Variants in ZNF555 observed in about 807,000 individuals in gnomAD.
ZNF555 encodes zinc finger protein 555.
ZNF555 carries 10 observed loss-of-function variants against 14.0 expected under a neutral mutation model. The observed-to-expected ratio is 0.72, with a 90% CI of 0.44 to 1.21. ZNF555 has a LOEUF of 1.21. ZNF555 is among the 50% of genes most tolerant of loss of function. ZNF555 has a pLI of 0.00. For missense variants in ZNF555, 747 were observed against 762.0 expected, an observed-to-expected ratio of 0.98 and a Z score of 0.23; for synonymous variants, 277 against 262.4, an observed-to-expected ratio of 1.06 and a Z score of -0.54.
rs2144865160 is a variant in ZNF555 at position 2,858,383 on chromosome 19, T to C, written c.*4431T>C. 1 of 152,254 alleles carries C rather than the reference T, an allele frequency of 6.6e-6. No homozygotes were observed. The highest frequency in any genetic ancestry group is 2.1e-4 in the South Asian group (1 of 4,820). The allele number at this position is 152,254 out of a possible 1,614,324, so 9.4% of individuals were successfully genotyped here. ...AGGTCTTCCAGAATCTGTCTTTGAGTTTACACCAGGTTCTTCCCATCTGAT... is the reference window on the plus strand; with the variant it reads ...AGGTCTTCCAGAATCTGTCTTTGAGCTTACACCAGGTTCTTCCCATCTGAT... On this transcript the variant is annotated 3_prime_UTR_variant, in exon 4 of 4. Transcript: ENST00000334241.
chr19:2,851,674 CAT>C, intron 3 of ZNF555, 23 bp downstream of exon 3: 2 of 1,503,862 alleles, frequency 1.3e-6, no homozygotes, highest in Non-Finnish European at 1.8e-6. Context: ...CACAAGAGAA[CAT>C]AGTATTTCAG....
In ZNF555 at chr19:2,852,396, G is replaced by C. The variant is rs775805265; in HGVS notation, c.331G>C (p.Glu111Gln). 1.9e-6 allele frequency: 3 copies of C among 1,613,968 alleles called. No individual in the cohort carries two copies. In the African/African-American group the frequency reaches 4.0e-5, roughly 22 times the overall value. The change falls in exon 4 of 4, where the codon GAG becomes CAG. Residue 111 changes from glutamate (E) to glutamine (Q), a missense_variant. Transcript: ENST00000334241. The part of the protein sequence containing the change: ...GRNLSRNHGL[E>Q]RLCESNDQCG... ...CATTTTTAGTAGAAATCATGGGTTG[G>C]AGAGACTCTGTGAAAGTAATGATCA... is the stretch of plus-strand genomic sequence containing the variant.
intron 3 of ZNF555, 52 bp downstream of exon 3, chr19:2,851,703 G>T: frequency 1.4e-6 from 2 of 1,388,432 alleles, no homozygotes; most frequent in South Asian, 1.9e-5. Context: ...ATCTTAGTCT[G>T]TCATTAAACT....
Position 2,851,538 on chromosome 19 carries a change from G to T in ZNF555, c.201G>T (p.Lys67Asn). The change falls in exon 3 of 4, where the codon AAG becomes AAT. Residue 67 changes from lysine (K) to asparagine (N), a missense_variant. Lys to Asn is a moderately conservative substitution (Grantham distance 94). Transcript: ENST00000334241. ...QQDIYGEKIP[K>N]ESKIATFTRN... is the part of the protein sequence containing the mutation. ...ATATTTATGGAGAGAAAATACCCAA[G>T]GAATCTAAAATAGCCACGTTCACCA... 6.2e-7 allele frequency: 1 copy of T among 1,611,088 alleles called. No homozygotes were observed. Among genetic ancestry groups the T allele is most frequent in the Non-Finnish European group, 8.5e-7 (1 of 1,179,274 alleles).
intron 1 of ZNF555, among the ~76,000 whole-genome samples, chr19:2,841,914 C>T (rs1423055171): frequency 6.6e-6 from 1 of 151,682 alleles, no homozygotes; most frequent in Non-Finnish European, 1.5e-5. Flanking sequence ...CGCCTCGGAG[C>T]GTTTCGCTGC....
In ZNF555 at chr19:2,853,526, A is replaced by G; in HGVS notation, c.1461A>G (p.Lys487=). The change falls in exon 4 of 4, where the codon AAA becomes AAG. Residue 487 remains lysine, a synonymous_variant. Transcript: ENST00000334241. ...CCTATGAATGCAAGCTATGTGGGAA[A>G]GCTTTCTATTGCCACATATCCTTAC... ...DKSYECKLCG[K]AFYCHISLQK... is the part of the protein sequence containing the mutation. The G allele has an allele frequency of 2.5e-6, 4 of 1,614,146 alleles. No homozygotes were observed. Among genetic ancestry groups the G allele is most frequent in the Non-Finnish European group, 3.4e-6 (4 of 1,180,010 alleles).
At position 2,858,998 on chromosome 19, in the gene ZNF555, A is replaced by G. The variant is rs2087707718; in HGVS notation, c.*5046A>G. The G allele has an allele frequency of 6.6e-6, 1 of 152,320 alleles. No homozygotes were observed. The highest frequency in any genetic ancestry group is 2.4e-5 in the African/African-American group (1 of 41,432). 9.4% of individuals were successfully genotyped at this position (152,320 alleles called of 1,614,324 possible). A position where few individuals can be genotyped will look rare whatever the true frequency, so the allele number is the denominator to read the frequency against. On this transcript the variant is annotated 3_prime_UTR_variant, in exon 4 of 4. Coordinates refer to ENST00000334241, the MANE Select transcript of ZNF555 (RefSeq NM_152791.5). ...CCCACAGTCCAGGACGCGTCTTACT[A>G]ACGCCTCACCAGAGCGCATGCGCCC...
intron 1 of ZNF555, among the ~76,000 whole-genome samples, chr19:2,848,928 A>AGG (rs1248242905): frequency 6.6e-6 from 1 of 152,220 alleles, no homozygotes; most frequent in African/African-American, 2.4e-5. Context: ...ACACCAGCTA[A>AGG]GGGCAACATT....
Position 2,853,173 on chromosome 19 carries a change from T to G in ZNF555, c.1108T>G (p.Cys370Gly). ...TCACACTGGAGAGAAACCCTACGAA[T>G]GCAAACAGTGTGGGAAGACCTTCAT... ...RIHTGEKPYE[C>G]KQCGKTFIYP... The change falls in exon 4 of 4, where the codon TGC becomes GGC. Residue 370 changes from cysteine (C) to glycine (G), a missense_variant. Coordinates refer to ENST00000334241, the MANE Select transcript of ZNF555 (RefSeq NM_152791.5). 2 of 1,614,142 alleles carry G rather than the reference T, an allele frequency of 1.2e-6. No individual in the cohort carries two copies. The highest frequency in any genetic ancestry group is 1.7e-6 in the Non-Finnish European group (2 of 1,180,016).
chr19:2,850,103 C>T (rs1051210141), intron 1 of ZNF555, among the ~76,000 whole-genome samples: 6 of 152,180 alleles, frequency 3.9e-5, no homozygotes, highest in African/African-American at 7.2e-5. Flanking sequence ...TTCTTTAAGA[C>T]GCTATGGCTA....
chr19:2,849,718 C>A (rs189986356), intron 1 of ZNF555, among the ~76,000 whole-genome samples: 109 of 151,730 alleles, frequency 7.2e-4, no homozygotes, highest in African/African-American at 2.5e-3. Flanking sequence ...GAACTCCTGA[C>A]CTCAAATGAT....
chr19:2,852,426 G>A lies in ZNF555; in HGVS notation c.361G>A (p.Gly121Arg). The change falls in exon 4 of 4, where the codon GGA (glycine) becomes AGA (arginine). Residue 121 changes from glycine to arginine, a missense_variant. Transcript: ENST00000334241. ...ACTCTGTGAAAGTAATGATCAATGT[G>A]GAGAAGCCCTCAGCCAGATTCCACA... ...ERLCESNDQCGEALSQIPHLN... is the reference protein window; with the variant it reads ...ERLCESNDQCREALSQIPHLN... The A allele has an allele frequency of 6.2e-7, 1 of 1,614,152 alleles. No homozygotes were observed. The highest frequency in any genetic ancestry group is 8.5e-7 in the Non-Finnish European group (1 of 1,180,028).
chr19:2,842,357 G>A (rs890845596), intron 1 of ZNF555, among the ~76,000 whole-genome samples: 1 of 152,208 alleles, frequency 6.6e-6, no homozygotes, highest in African/African-American at 2.4e-5. Flanking sequence ...AAAAGTAACT[G>A]AAAAGACTAG....
rs1168748078 is a variant in ZNF555 at position 2,857,569 on chromosome 19, A to G, written c.*3617A>G. 6.6e-6 allele frequency: 1 copy of G among 152,222 alleles called. No homozygotes were observed. Among genetic ancestry groups the G allele is most frequent in the Non-Finnish European group, 1.5e-5 (1 of 68,038 alleles). 9.4% of individuals were successfully genotyped at this position (152,222 alleles called of 1,614,324 possible). On this transcript the variant is annotated 3_prime_UTR_variant, in exon 4 of 4. Coordinates refer to ENST00000334241, the MANE Select transcript of ZNF555 (RefSeq NM_152791.5). Reference sequence around the variant, plus strand: ...CATATGGGCTTAAGAGTGTTCTGTCATGATTGTAGTGGTGAAAACAAGCAT... The same window carrying G: ...CATATGGGCTTAAGAGTGTTCTGTCGTGATTGTAGTGGTGAAAACAAGCAT...
At position 2,853,287 on chromosome 19, in the gene ZNF555, CCCT is replaced by C; in HGVS notation, c.1229_1231del (p.Ser410del). 1.2e-6 allele frequency: 2 copies of C among 1,612,978 alleles called. No individual in the cohort carries two copies. Among genetic ancestry groups the C allele is most frequent in the South Asian group, 2.2e-5 (2 of 91,016 alleles). ...CCAGTGCGGGAAAGCATTCAGTCAC[CCCT>C]CCTCCTTTCGAGGACACATGAGGGT... On this transcript the variant is annotated inframe_deletion, in exon 4 of 4. Transcript: ENST00000334241.
Position 2,852,615 on chromosome 19 carries a change from C to T in ZNF555, c.550C>T (p.Arg184Cys), listed in dbSNP as rs769979806. 8.7e-6 allele frequency: 14 copies of T among 1,614,044 alleles called. No homozygotes were observed. The highest frequency in any genetic ancestry group is 8.3e-5 in the Admixed American group (5 of 60,006). The change falls in exon 4 of 4, where the codon CGT (arginine) becomes TGT (cysteine). Residue 184 changes from arginine (R) to cysteine (C), a missense_variant. Arg to Cys is a radical substitution (Grantham distance 180). Transcript: ENST00000334241. Reference protein sequence around the residue: ...CQECGQAYSCRSHLRMHVRTH... With the variant: ...CQECGQAYSCCSHLRMHVRTH... ...GGAATGTGGGCAGGCCTACAGTTGT[C>T]GTTCACACCTAAGAATGCATGTGAG...
chr19:2,858,032 A>T lies in ZNF555; in HGVS notation c.*4080A>T, dbSNP rs2087698673. The T allele has an allele frequency of 6.6e-6, 1 of 152,312 alleles. No individual in the cohort carries two copies. The highest frequency in any genetic ancestry group is 2.1e-4 in the South Asian group (1 of 4,848). 9.4% of individuals were successfully genotyped at this position (152,312 alleles called of 1,614,324 possible). ...AGCGAGACCTCAACTCTACCAAAAA[A>T]TTAAAAAGTGAGCCAGGCGGGGTGG... is the stretch of plus-strand genomic sequence containing the variant. On this transcript the variant is annotated 3_prime_UTR_variant, in exon 4 of 4. Coordinates refer to ENST00000334241, the MANE Select transcript of ZNF555 (RefSeq NM_152791.5).
In ZNF555 at chr19:2,854,136, G is replaced by C; in HGVS notation, c.*184G>C. 1 of 682,732 alleles carries C rather than the reference G, an allele frequency of 1.5e-6. No homozygotes were observed. The highest frequency in any genetic ancestry group is 1.8e-5 in the African/African-American group (1 of 54,652). The allele number at this position is 682,732 out of a possible 1,614,324, so 42.3% of individuals were successfully genotyped here. On this transcript the variant is annotated 3_prime_UTR_variant, in exon 4 of 4. Coordinates refer to ENST00000334241, the MANE Select transcript of ZNF555 (RefSeq NM_152791.5). ...AGTGTTTTGGACTCATGGATGATTT[G>C]AAGTGTATTTTTAATATGCAAGTAG...
rs763455667 is a variant in ZNF555 at position 2,855,703 on chromosome 19, A to G, written c.*1751A>G. Reference sequence around the variant, plus strand: ...TTGTTTCTCAGTTCTGGACCCAGAAATCCAGAAACAAGGCATTGGCAGGAC... The same window carrying G: ...TTGTTTCTCAGTTCTGGACCCAGAAGTCCAGAAACAAGGCATTGGCAGGAC... On this transcript the variant is annotated 3_prime_UTR_variant, in exon 4 of 4. Transcript: ENST00000334241. 2.0e-5 allele frequency: 3 copies of G among 152,238 alleles called. No homozygotes were observed. Among genetic ancestry groups the G allele is most frequent in the Non-Finnish European group, 2.9e-5 (2 of 68,042 alleles). 9.4% of individuals were successfully genotyped at this position (152,238 alleles called of 1,614,324 possible).
Sources: gnomAD v4.1 joint callset for allele counts (sites outside exome capture counted in the v4.1 genomes callset) on GRCh38, gnomAD v4.1.1 for gene constraint, MANE v1.5 for transcripts, NCBI Gene and HGNC (gene_info 2026-07-23, HGNC 2026-07-21) for gene names.